Variants in EPB41L4A observed in about 807,000 individuals in gnomAD.
EPB41L4A encodes the protein band 4.1-like protein 4A.
EPB41L4A carries 100 observed loss-of-function variants against 108.6 expected under a neutral mutation model. The observed-to-expected ratio is 0.92, with a 90% CI of 0.78 to 1.09. The LOEUF is 1.09. EPB41L4A is among the 50% of genes least tolerant of loss of function. The pLI is 0.00. For synonymous variants in EPB41L4A, 319 were observed against 289.0 expected, an observed-to-expected ratio of 1.10 and a Z score of -1.05; for missense variants, 1,030 against 842.7, an observed-to-expected ratio of 1.22 and a Z score of -2.75.
intron 1 of EPB41L4A, among the ~76,000 whole-genome samples, chr5:112,344,002 G>A (rs1429656642): frequency 1.3e-5 from 2 of 152,284 alleles, no homozygotes; most frequent in Admixed American, 1.3e-4. Flanking sequence ...TCTGTAGTAT[G>A]CTACGATTGT....
In EPB41L4A at chr5:112,311,495, TA is replaced by T. The variant is rs538630650; in HGVS notation, c.100-4006del. On this transcript the variant is annotated intron_variant, in intron 1 of 22. Transcript: ENST00000261486. The stretch of plus-strand genomic sequence containing the variant: ...ACACTAATGGTTTCCCAGAGCTTTT[TA>T]TGATTCCCATCTATCTACAGCCACT... 2.0e-5 allele frequency among the ~76,000 whole-genome samples: 3 copies of T among 152,230 alleles called. No homozygotes were observed. In the South Asian group the frequency reaches 6.2e-4, roughly 31 times the overall value.
chr5:112,207,688 A>T (rs1038746388), intron 13 of EPB41L4A, among the ~76,000 whole-genome samples: 1 of 152,224 alleles, frequency 6.6e-6, no homozygotes, highest in African/African-American at 2.4e-5. Context: ...AACATCATTA[A>T]TCATTCGAAA....
At chr5:112,365,264 G>C (rs930184027) in intron 1 of EPB41L4A, among the ~76,000 whole-genome samples, 4 of 152,142 alleles carry the variant, frequency 2.6e-5, no homozygotes, top group Non-Finnish European at 4.4e-5. Flanking sequence ...TCACAGGCAT[G>C]ATCATAGCAT....
chr5:112,331,941 C>T (rs1233260456), intron 1 of EPB41L4A, among the ~76,000 whole-genome samples: 1 of 152,198 alleles, frequency 6.6e-6, no homozygotes, highest in Non-Finnish European at 1.5e-5. Flanking sequence ...AAGTGACTCC[C>T]AAGAACAGCC....
chr5:112,217,332 T>C (rs1488991086), intron 12 of EPB41L4A, among the ~76,000 whole-genome samples: 1 of 152,208 alleles, frequency 6.6e-6, no homozygotes, highest in African/African-American at 2.4e-5. Flanking sequence ...AATAAAGATG[T>C]TTCTGCATCC....
At chr5:112,238,925 G>A (rs1462952176) in intron 11 of EPB41L4A, among the ~76,000 whole-genome samples, 2 of 152,208 alleles carry the variant, frequency 1.3e-5, no homozygotes, top group African/African-American at 2.4e-5. Flanking sequence ...AGACATAAGC[G>A]CCTGCCTAGC....
At chr5:112,404,505 A>G (rs1019935054) in intron 1 of EPB41L4A, among the ~76,000 whole-genome samples, 1 of 152,230 alleles carries the variant, frequency 6.6e-6, no homozygotes, top group Non-Finnish European at 1.5e-5. Context: ...ATGGGATAAT[A>G]TTAGCATCAG....
chr5:112,307,196 C>G (rs1754744977), intron 2 of EPB41L4A, among the ~76,000 whole-genome samples, 190 bp downstream of exon 2: 1 of 152,080 alleles, frequency 6.6e-6, no homozygotes, highest in Admixed American at 6.6e-5. Context: ...AGCTGTGAAT[C>G]CAGCAACTCT....
chr5:112,401,934 G>A (rs1761781568), intron 1 of EPB41L4A, among the ~76,000 whole-genome samples: 1 of 152,192 alleles, frequency 6.6e-6, no homozygotes, highest in African/African-American at 2.4e-5. Flanking sequence ...ATTAAACACA[G>A]GGGGAAATGG....
At position 112,262,539 on chromosome 5, in the gene EPB41L4A, A is replaced by C. The variant is rs1457501123; in HGVS notation, c.597T>G (p.Thr199=). 3 of 1,614,168 alleles carry C rather than the reference A, an allele frequency of 1.9e-6. No homozygotes were observed. Among genetic ancestry groups the C allele is most frequent in the Non-Finnish European group, 1.7e-6 (2 of 1,180,002 alleles). ...CGCCATACATCTCCAGGGATTTGGC[A>C]GTCCTCAAGTAATTCAGCTCAGCCT... ...PSEAELNYLR[T]AKSLEMYGVD... Residue 199 remains threonine, a synonymous_variant, in exon 7 of 23, where the codon ACT becomes ACG. Transcript: ENST00000261486.
chr5:112,259,387 T>C (rs755860002), intron 8 of EPB41L4A, 95 bp from the exon 9 acceptor site: 81 of 975,874 alleles, frequency 8.3e-5, no homozygotes, highest in Non-Finnish European at 1.2e-4. Context: ...TGGTGAATAC[T>C]GGCTCCTTTA....
chr5:112,146,737 C>T (rs539307301), intron 12 of EPB41L4A, among the ~76,000 whole-genome samples: 3 of 152,176 alleles, frequency 2.0e-5, no homozygotes, highest in African/African-American at 7.2e-5. Context: ...ATTTAACCCT[C>T]GTTGCTACTG....
chr5:112,389,649 C>A (rs1260961904), intron 1 of EPB41L4A, among the ~76,000 whole-genome samples: 3 of 152,198 alleles, frequency 2.0e-5, no homozygotes, highest in African/African-American at 7.2e-5. Context: ...TTTCTGCCTT[C>A]TTTAGCTTTT....
chr5:112,307,416 C>G lies in EPB41L4A; in HGVS notation c.174G>C (p.Gly58=), dbSNP rs1754762523. ...GATGGCTTCTGTCACAGTAACGTAG[C>G]CCAAAATAATCTATCTCCACAAGGT... The part of the protein sequence containing the change: ...HVNLVEIDYF[G]LRYCDRSHQT... The change falls in exon 2 of 23, where the codon GGG becomes GGC. Residue 58 remains glycine (G), a synonymous_variant. Transcript: ENST00000261486. 1 of 1,613,036 alleles carries G rather than the reference C, an allele frequency of 6.2e-7. No individual in the cohort carries two copies. Among genetic ancestry groups the G allele is most frequent in the South Asian group, 1.1e-5 (1 of 91,024 alleles).
intron 13 of EPB41L4A, among the ~76,000 whole-genome samples, chr5:112,207,863 G>C (rs935869198): frequency 1.3e-5 from 2 of 152,166 alleles, no homozygotes; most frequent in African/African-American, 4.8e-5. Context: ...GCAGTTTGGA[G>C]ATTTCTCAAA....
chr5:112,414,535 C>T lies in EPB41L4A; in HGVS notation c.99+4406G>A, dbSNP rs189878579. Among the ~76,000 whole-genome samples the T allele has an allele frequency of 4.1e-3, 628 of 152,222 alleles. 6 individuals are homozygous for T. The highest frequency in any genetic ancestry group is 0.014 in the African/African-American group (569 of 41,524). On this transcript the variant is annotated intron_variant, in intron 1 of 22. Coordinates refer to ENST00000261486, the MANE Select transcript of EPB41L4A (RefSeq NM_022140.5). ...CTACAAGGGACAGGATAAACTCCCACAGGGAGTTCAAGATAGTTCAAGCTT... is the reference window on the plus strand; with the variant it reads ...CTACAAGGGACAGGATAAACTCCCATAGGGAGTTCAAGATAGTTCAAGCTT...
At chr5:112,226,025 T>A (rs532896494) in intron 12 of EPB41L4A, among the ~76,000 whole-genome samples, 4 of 152,324 alleles carry the variant, frequency 2.6e-5, no homozygotes, top group Admixed American at 2.6e-4. Flanking sequence ...GACATTCCTC[T>A]CCTTTGGTGG....
intron 1 of EPB41L4A, among the ~76,000 whole-genome samples, chr5:112,341,765 C>CAA (rs1374407408): frequency 6.6e-6 from 1 of 151,698 alleles, no homozygotes; most frequent in Non-Finnish European, 1.5e-5. Flanking sequence ...CACACACACA[C>CAA]ACACACACAC....
intron 1 of EPB41L4A, among the ~76,000 whole-genome samples, chr5:112,316,014 T>C (rs1755405736): frequency 1.3e-5 from 2 of 152,218 alleles, no homozygotes; most frequent in Non-Finnish European, 1.5e-5. Context: ...GCAAATGAGA[T>C]AGATTACTTT....
Sources: allele counts gnomAD v4.1 joint callset (sites outside exome capture counted in the v4.1 genomes callset), GRCh38; gene constraint gnomAD v4.1.1; transcripts MANE v1.5; gene names NCBI Gene and HGNC (gene_info 2026-07-23, HGNC 2026-07-21).